SLC8A1: variants seen among roughly 807,000 people sequenced by gnomAD.
SLC8A1 encodes solute carrier family 8 member A1.
A neutral mutation model predicts 68.3 loss-of-function variants in SLC8A1; 18 were observed. The observed-to-expected ratio is 0.26, with a 90% confidence interval of 0.18 to 0.39. The LOEUF (loss-of-function observed/expected upper bound fraction) is 0.39, where lower values mean the gene tolerates loss of function less well. Ranked by LOEUF, SLC8A1 falls within the 10% of genes least tolerant of loss-of-function variation. The pLI is 1.00. For synonymous variants in SLC8A1, 475 were observed against 415.5 expected (o/e 1.14, Z -1.74); for missense variants, 985 against 1,156.7 (o/e 0.85, Z 2.15).
At chr2:40,436,497 T>A (rs768948551) in intron 1 of SLC8A1, among the ~76,000 whole-genome samples, 1 of 152,132 alleles carries the variant, frequency 6.6e-6, no homozygotes, top group Non-Finnish European at 1.5e-5. Flanking sequence ...ATCTCCAGCA[T>A]AACGAGAGCA....
At chr2:40,482,137 T>C (rs1262371599) in intron 1 of SLC8A1, among the ~76,000 whole-genome samples, 1 of 152,164 alleles carries the variant, frequency 6.6e-6, no homozygotes, top group Non-Finnish European at 1.5e-5. Flanking sequence ...CTTTTAAGCG[T>C]GCAATAAGAT....
chr2:40,253,128 C>CTATATATGTGTATAAATGTATATAGT (rs1558968541), intron 2 of SLC8A1, among the ~76,000 whole-genome samples: 1 of 103,406 alleles, frequency 9.7e-6, no homozygotes, highest in Non-Finnish European at 1.8e-5. Flanking sequence ...CATATATACA[C>CTATATATGTGTATAAATGTATATAGT]GTATATATGT....
At position 40,281,353 on chromosome 2, in the gene SLC8A1, A is replaced by G. The variant is rs534577682; in HGVS notation, c.1809-103498T>C. The stretch of plus-strand genomic sequence containing the variant: ...TTTCCATTTTACATAGTTTCTGGAA[A>G]GGGCAATAAGAACAAAAAAAGCAAC... On this transcript the variant is annotated intron_variant, in intron 2 of 7. Coordinates refer to ENST00000406785, the Ensembl canonical transcript of SLC8A1. Among the ~76,000 whole-genome samples, 34 of 152,162 alleles carry G rather than the reference A, an allele frequency of 2.2e-4. No individual in the cohort carries two copies. The South Asian group carries it at 6.9e-3, about 31-fold the overall frequency.
At chr2:40,220,550 T>C (rs913302687) in intron 2 of SLC8A1, among the ~76,000 whole-genome samples, 3 of 152,202 alleles carry the variant, frequency 2.0e-5, no homozygotes, top group South Asian at 2.1e-4. Flanking sequence ...TTTTCTGTTT[T>C]ATTTTCCTGA....
chr2:40,138,561 A>G (rs368509972), intron 7 of SLC8A1, among the ~76,000 whole-genome samples: 4 of 152,290 alleles, frequency 2.6e-5, no homozygotes, highest in South Asian at 4.1e-4. Flanking sequence ...TTCAGTTACA[A>G]TAAGCTCTGG....
At chr2:40,187,936 C>T (rs2050997866) in intron 2 of SLC8A1, among the ~76,000 whole-genome samples, 1 of 152,148 alleles carries the variant, frequency 6.6e-6, no homozygotes, top group Non-Finnish European at 1.5e-5. Context: ...ACCATTGCCT[C>T]ACTCTTCTGC....
At chr2:40,402,491 T>C (rs1481510381) in intron 2 of SLC8A1, among the ~76,000 whole-genome samples, 1 of 152,238 alleles carries the variant, frequency 6.6e-6, no homozygotes, top group African/African-American at 2.4e-5. Flanking sequence ...TTTCACTTTA[T>C]GTATTTGCCC....
chr2:40,361,963 C>A (rs115794604), intron 2 of SLC8A1, among the ~76,000 whole-genome samples: 1,377 of 117,658 alleles, frequency 0.012, 25 homozygotes, highest in African/African-American at 0.043. Flanking sequence ...TGCAGTGGCA[C>A]AATCTGCCTG....
exon 2 of SLC8A1, chr2:40,430,195 T>A: frequency 6.2e-7 from 1 of 1,613,738 alleles, no homozygotes; most frequent in South Asian, 1.1e-5. Flanking sequence ...ATGGTCCACA[T>A]GGGAAAATAA....
At chr2:40,404,461 T>A (rs1446317558) in intron 2 of SLC8A1, among the ~76,000 whole-genome samples, 2 of 152,202 alleles carry the variant, frequency 1.3e-5, no homozygotes, top group African/African-American at 4.8e-5. Flanking sequence ...AAGAACACAT[T>A]TAAATATATG....
intron 2 of SLC8A1, among the ~76,000 whole-genome samples, chr2:40,347,542 A>G (rs1396829194): frequency 6.6e-6 from 1 of 152,206 alleles, no homozygotes; most frequent in Admixed American, 6.6e-5. Context: ...GTTCCCATAT[A>G]TGCAAAATAA....
chr2:40,332,439 G>A (rs534826272), intron 2 of SLC8A1, among the ~76,000 whole-genome samples: 2 of 90,416 alleles, frequency 2.2e-5, no homozygotes, highest in African/African-American at 5.9e-5. Context: ...GGACGGGGGC[G>A]GGGGGCGGTG....
At chr2:40,238,833 C>G (rs1452292659) in intron 2 of SLC8A1, among the ~76,000 whole-genome samples, 2 of 151,916 alleles carry the variant, frequency 1.3e-5, no homozygotes, top group East Asian at 1.9e-4. Context: ...TATATAGAAG[C>G]CATTTTCTCC....
intron 2 of SLC8A1, among the ~76,000 whole-genome samples, chr2:40,303,343 T>G (rs1345239536): frequency 6.6e-6 from 1 of 152,186 alleles, no homozygotes; most frequent in Non-Finnish European, 1.5e-5. Context: ...TGAGCCTGAT[T>G]GGTGGCTAGA....
chr2:40,339,924 G>A lies in SLC8A1; in HGVS notation c.1808+88549C>T, dbSNP rs138173651. On this transcript the variant is annotated intron_variant, in intron 2 of 7. Coordinates refer to ENST00000406785, the Ensembl canonical transcript of SLC8A1. Reference sequence around the variant, plus strand: ...ATTGTGTATACTTTCACAAATTCAGGTGACAAAGCTAGGTCAATCAAACAC... The same window carrying A: ...ATTGTGTATACTTTCACAAATTCAGATGACAAAGCTAGGTCAATCAAACAC... Among the ~76,000 whole-genome samples the A allele has an allele frequency of 2.7e-3, 410 of 152,264 alleles. 2 individuals are homozygous for A. The highest frequency in any genetic ancestry group is 9.4e-3 in the African/African-American group (392 of 41,548).
chr2:40,238,861 G>C (rs2060814381), intron 2 of SLC8A1, among the ~76,000 whole-genome samples: 1 of 151,878 alleles, frequency 6.6e-6, no homozygotes, highest in African/African-American at 2.4e-5. Context: ...AACAATGTAG[G>C]TACTTTGATG....
At chr2:40,224,585 T>C (rs913353939) in intron 2 of SLC8A1, among the ~76,000 whole-genome samples, 2 of 152,032 alleles carry the variant, frequency 1.3e-5, no homozygotes, top group Non-Finnish European at 2.9e-5. Flanking sequence ...ATGAAAAAAA[T>C]ACATAATTGC....
intron 1 of SLC8A1, among the ~76,000 whole-genome samples, chr2:40,499,836 C>G (rs1370480951): frequency 6.6e-6 from 1 of 152,100 alleles, no homozygotes; most frequent in Non-Finnish European, 1.5e-5. Flanking sequence ...GTCTTTGCCT[C>G]TCATCCCAAG....
chr2:40,167,894 C>A (rs1342739758), intron 4 of SLC8A1, among the ~76,000 whole-genome samples: 2 of 152,120 alleles, frequency 1.3e-5, no homozygotes, highest in Non-Finnish European at 2.9e-5. Flanking sequence ...CATAAACTCA[C>A]TGAGATAGAA....
Sources: gnomAD v4.1 joint callset for allele counts (sites outside exome capture counted in the v4.1 genomes callset) on GRCh38, gnomAD v4.1.1 for gene constraint, MANE v1.5 for transcripts, NCBI Gene and HGNC (gene_info 2026-07-23, HGNC 2026-07-21) for gene names.